The following PSMA1 variants were observed in gnomAD, a reference collection of about 807,000 sequenced individuals.
PSMA1 encodes the protein proteasome subunit alpha type-1.
PSMA1 carries 3 observed loss-of-function variants against 38.4 expected under a neutral mutation model. The observed-to-expected ratio is 0.08, with a 90% confidence interval of 0.04 to 0.20. The LOEUF (loss-of-function observed/expected upper bound fraction) is 0.20. PSMA1 is among the 10% of genes least tolerant of loss of function. PSMA1 has a pLI of 1.00. For missense variants in PSMA1, 227 were observed against 325.3 expected (o/e 0.70, Z 2.32); for synonymous variants, 101 against 107.1 (o/e 0.94, Z 0.35).
chr11:14,637,692 T>C (rs925728469), intron 1 of PSMA1, among the ~76,000 whole-genome samples: 1 of 152,208 alleles, frequency 6.6e-6, no homozygotes, highest in Non-Finnish European at 1.5e-5. Flanking sequence ...GAAATTAAGA[T>C]AATATTATGT....
chr11:14,562,631 T>A (rs540898689), intron 2 of PSMA1, among the ~76,000 whole-genome samples: 1 of 151,714 alleles, frequency 6.6e-6, no homozygotes, highest in African/African-American at 2.4e-5. Flanking sequence ...CATGAGCATT[T>A]TTTTTTTTTT....
chr11:14,546,140 C>G (rs1481052791), intron 2 of PSMA1, among the ~76,000 whole-genome samples: 2 of 149,252 alleles, frequency 1.3e-5, no homozygotes, highest in Admixed American at 6.7e-5. Flanking sequence ...CTTTCTCTCT[C>G]TCTCTCTCTC....
chr11:14,599,431 T>C (rs1174212633), intron 2 of PSMA1, among the ~76,000 whole-genome samples: 1 of 152,194 alleles, frequency 6.6e-6, no homozygotes, highest in Non-Finnish European at 1.5e-5. Flanking sequence ...GAGGCTTTGT[T>C]CATTTCTTTT....
intron 2 of PSMA1, among the ~76,000 whole-genome samples, chr11:14,586,026 C>A (rs188091875): frequency 6.6e-6 from 1 of 152,272 alleles, no homozygotes; most frequent in African/African-American, 2.4e-5. Flanking sequence ...TGGATTCTAC[C>A]ATTAGCATTT....
intron 2 of PSMA1, 152 bp from the exon 3 acceptor site, chr11:14,518,133 C>A: frequency 1.7e-6 from 1 of 586,212 alleles, no homozygotes; most frequent in South Asian, 2.3e-5. Context: ...CAGGTTCTCA[C>A]TCTGTCACCC....
intron 2 of PSMA1, among the ~76,000 whole-genome samples, chr11:14,557,209 T>C (rs1851950110): frequency 1.3e-5 from 2 of 152,152 alleles, no homozygotes; most frequent in Non-Finnish European, 1.5e-5. Flanking sequence ...CTTTCCTTTT[T>C]CTTCTGGGAG....
intron 2 of PSMA1, among the ~76,000 whole-genome samples, 199 bp from the exon 3 acceptor site, chr11:14,518,180 C>T (rs987427522): frequency 3.3e-5 from 5 of 151,314 alleles, no homozygotes; most frequent in Admixed American, 1.3e-4. Flanking sequence ...CAGCTCAGTA[C>T]AACCTCTGCC....
chr11:14,532,984 T>C (rs1378085109), intron 2 of PSMA1, among the ~76,000 whole-genome samples: 1 of 152,258 alleles, frequency 6.6e-6, no homozygotes. Context: ...AAACTTACTG[T>C]GTTTTTTCCC....
At chr11:14,620,955 C>G (rs893275626) in intron 1 of PSMA1, among the ~76,000 whole-genome samples, 4 of 152,160 alleles carry the variant, frequency 2.6e-5, no homozygotes, top group African/African-American at 9.7e-5. Context: ...TAAGGCCTCT[C>G]AAATCACAGT....
chr11:14,529,162 A>G (rs1461962705), intron 2 of PSMA1, among the ~76,000 whole-genome samples: 1 of 151,894 alleles, frequency 6.6e-6, no homozygotes, highest in East Asian at 1.9e-4. Context: ...TTGGTAAGTT[A>G]TGTTAGGCTT....
intron 1 of PSMA1, among the ~76,000 whole-genome samples, chr11:14,633,483 C>T (rs1323740020): frequency 9.9e-5 from 15 of 152,122 alleles, no homozygotes; most frequent in East Asian, 5.8e-4. Flanking sequence ...CTTGAGGAGG[C>T]AGTCTGCCCG....
chr11:14,556,861 G>A (rs1455578175), intron 2 of PSMA1, among the ~76,000 whole-genome samples: 1 of 152,108 alleles, frequency 6.6e-6, no homozygotes, highest in Non-Finnish European at 1.5e-5. Flanking sequence ...TAGAACTGGG[G>A]GACTTGCTCT....
At chr11:14,621,374 C>G (rs1303772646) in intron 1 of PSMA1, among the ~76,000 whole-genome samples, 1 of 152,004 alleles carries the variant, frequency 6.6e-6, no homozygotes, top group African/African-American at 2.4e-5. Flanking sequence ...CTCTTGGGCT[C>G]AGCCTCCAGA....
At chr11:14,572,230 C>T (rs548169408) in intron 2 of PSMA1, among the ~76,000 whole-genome samples, 11 of 152,306 alleles carry the variant, frequency 7.2e-5, no homozygotes, top group Admixed American at 2.0e-4. Context: ...GGCACCACAT[C>T]GCACTTATTT....
intron 2 of PSMA1, among the ~76,000 whole-genome samples, chr11:14,561,994 G>C (rs893013037): frequency 2.0e-5 from 3 of 152,146 alleles, no homozygotes; most frequent in Non-Finnish European, 2.9e-5. Flanking sequence ...TCTTACACAG[G>C]TGTTGGAAAG....
intron 2 of PSMA1, among the ~76,000 whole-genome samples, chr11:14,582,598 A>G (rs1041469387): frequency 1.3e-5 from 2 of 152,000 alleles, no homozygotes; most frequent in South Asian, 2.1e-4. Context: ...GCTCACTGCA[A>G]CCTCTGCCTC....
intron 2 of PSMA1, among the ~76,000 whole-genome samples, chr11:14,537,576 A>G (rs2134162752): frequency 6.6e-6 from 1 of 151,722 alleles, no homozygotes; most frequent in African/African-American, 2.4e-5. Flanking sequence ...TCACTAAAGA[A>G]AAATTTCCTG....
intron 1 of PSMA1, 61 bp downstream of exon 1, chr11:14,520,236 C>T (rs970581501): frequency 1.2e-5 from 20 of 1,608,218 alleles, no homozygotes; most frequent in African/African-American, 1.2e-4. Context: ...AGAGGTGGCT[C>T]GTCATCCCCC....
chr11:14,532,702 C>T (rs1399193441), intron 2 of PSMA1, among the ~76,000 whole-genome samples: 1 of 151,572 alleles, frequency 6.6e-6, no homozygotes, highest in African/African-American at 2.4e-5. Context: ...AATCCCAGCA[C>T]TCTGGGAGGC....
Sources: gnomAD v4.1 joint callset for allele counts (sites outside exome capture counted in the v4.1 genomes callset) on GRCh38, gnomAD v4.1.1 for gene constraint, MANE v1.5 for transcripts, NCBI Gene and HGNC (gene_info 2026-07-23, HGNC 2026-07-21) for gene names.